PDE1A: variants seen among roughly 807,000 people sequenced by gnomAD.
PDE1A encodes the protein phosphodiesterase 1A.
In PDE1A, 35 loss-of-function variants were observed where a neutral mutation model predicts 61.7. The observed-to-expected ratio is 0.57, with a 90% CI of 0.43 to 0.75. The LOEUF (loss-of-function observed/expected upper bound fraction) is 0.75. Among genes scored for constraint, PDE1A ranks in the 30% least tolerant of loss-of-function variants. The pLI is 0.00. For synonymous variants in PDE1A, 232 were observed against 213.2 expected (o/e 1.09, Z -0.77); for missense variants, 597 against 630.6 (o/e 0.95, Z 0.57).
chr2:182,676,653 T>C, the PDE1A span, among the ~76,000 whole-genome samples: 2 of 152,002 alleles, frequency 1.3e-5, no homozygotes, highest in East Asian at 1.9e-4. Context: ...AACATTGATA[T>C]AAAAATCATC....
intron 1 of PDE1A, among the ~76,000 whole-genome samples, chr2:182,375,684 C>A (rs562817500): frequency 6.6e-6 from 1 of 152,326 alleles, no homozygotes; most frequent in South Asian, 2.1e-4. Flanking sequence ...TATGTGGTAC[C>A]CCAGTAGGGA....
intron 1 of PDE1A, among the ~76,000 whole-genome samples, chr2:182,282,540 T>C (rs576356221): frequency 1.4e-4 from 22 of 152,142 alleles, no homozygotes; most frequent in Non-Finnish European, 3.1e-4. Context: ...CTCTCAGCTC[T>C]ATTGCATGCA....
chr2:182,714,497 G>T, the PDE1A span, among the ~76,000 whole-genome samples: 16 of 152,182 alleles, frequency 1.1e-4, no homozygotes, highest in East Asian at 3.1e-3. Flanking sequence ...GTAGTATTCA[G>T]CCATAAGAAG....
chr2:182,384,900 A>G (rs557921449), intron 1 of PDE1A, among the ~76,000 whole-genome samples: 1 of 152,276 alleles, frequency 6.6e-6, no homozygotes, highest in South Asian at 2.1e-4. Context: ...CTCAAAGACA[A>G]GGAGAAGACT....
At chr2:182,247,271 AT>A (rs1691044230) in intron 2 of PDE1A, among the ~76,000 whole-genome samples, 1 of 152,210 alleles carries the variant, frequency 6.6e-6, no homozygotes, top group African/African-American at 2.4e-5. Flanking sequence ...AAAAGTATGC[AT>A]TGTTTATATG....
intron 7 of PDE1A, among the ~76,000 whole-genome samples, chr2:182,211,136 C>T (rs564162357): frequency 2.0e-5 from 3 of 152,166 alleles, no homozygotes; most frequent in African/African-American, 2.4e-5. Flanking sequence ...AACCCTGTCA[C>T]ATTGGGAGTT....
At chr2:182,297,141 A>G (rs1694939376) in intron 1 of PDE1A, among the ~76,000 whole-genome samples, 2 of 152,346 alleles carry the variant, frequency 1.3e-5, no homozygotes, top group South Asian at 4.1e-4. Context: ...GAGAACACTG[A>G]CTAATATGAT....
the PDE1A span, among the ~76,000 whole-genome samples, chr2:182,600,649 G>GA: frequency 6.6e-6 from 1 of 152,128 alleles, no homozygotes. Context: ...AGGATGAAAA[G>GA]AAAAAAGTTC....
chr2:182,539,292 C>T, the PDE1A span, among the ~76,000 whole-genome samples: 1 of 152,180 alleles, frequency 6.6e-6, no homozygotes, highest in African/African-American at 2.4e-5. Flanking sequence ...ACAAAAGAGG[C>T]TCTCGAGCCA....
At chr2:182,367,160 G>A (rs557493805) in intron 1 of PDE1A, among the ~76,000 whole-genome samples, 1 of 151,920 alleles carries the variant, frequency 6.6e-6, no homozygotes, top group East Asian at 1.9e-4. Context: ...TGCTTTTGTT[G>A]ATTCCTTGAT....
At chr2:182,311,211 ATTTAGATAGAAACTCTCTAACCAAG>A (rs1695947049) in intron 1 of PDE1A, among the ~76,000 whole-genome samples, 1 of 152,206 alleles carries the variant, frequency 6.6e-6, no homozygotes, top group African/African-American at 2.4e-5. Flanking sequence ...CTTTTCATCT[ATTTAGATAGAAACTCTCTAACCAAG>A]TGAACCTACT....
chr2:182,484,242 CTT>C (rs911683149), intron 2 of PDE1A, among the ~76,000 whole-genome samples: 2 of 151,928 alleles, frequency 1.3e-5, no homozygotes, highest in African/African-American at 4.8e-5. Context: ...CTTCCCAACT[CTT>C]TGCATAAATT....
chr2:182,561,928 G>A, the PDE1A span, among the ~76,000 whole-genome samples: 1 of 152,090 alleles, frequency 6.6e-6, no homozygotes, highest in East Asian at 1.9e-4. Context: ...CTTTGCTGAA[G>A]TTGCTTATCA....
At position 182,400,334 on chromosome 2, in the gene PDE1A, C is replaced by T. The variant is rs1374221137; in HGVS notation, c.53+26244G>A. ...ACCTTTCTGACATGGTGGCAAGACA[C>T]TTTCACATATTAGAATACACTTCTG... On this transcript the variant is annotated intron_variant, in intron 1 of 13. Coordinates refer to ENST00000351439, the Ensembl canonical transcript of PDE1A. 2.6e-5 allele frequency among the ~76,000 whole-genome samples: 4 copies of T among 152,182 alleles called. No homozygotes were observed. The East Asian group carries it at 7.7e-4, about 29-fold the overall frequency.
intron 13 of PDE1A, among the ~76,000 whole-genome samples, chr2:182,180,153 G>T (rs1406529351): frequency 6.6e-6 from 1 of 152,020 alleles, no homozygotes; most frequent in Non-Finnish European, 1.5e-5. Flanking sequence ...CTTTAAAATT[G>T]ATCACTATGT....
the PDE1A span, among the ~76,000 whole-genome samples, chr2:182,639,392 A>C: frequency 6.6e-6 from 1 of 152,124 alleles, no homozygotes; most frequent in Non-Finnish European, 1.5e-5. Flanking sequence ...ATGTGGCGAA[A>C]ACCCGTCTCT....
At chr2:182,176,359 C>A (rs1285976969) in intron 13 of PDE1A, among the ~76,000 whole-genome samples, 2 of 149,232 alleles carry the variant, frequency 1.3e-5, no homozygotes, top group Admixed American at 6.6e-5. Flanking sequence ...CTTTTATTTC[C>A]TTGAGCAGTG....
At chr2:182,423,945 AC>A (rs1368704410) in intron 1 of PDE1A, among the ~76,000 whole-genome samples, 1 of 145,366 alleles carries the variant, frequency 6.9e-6, no homozygotes, top group Non-Finnish European at 1.5e-5. Context: ...TCCTGGATTA[AC>A]CTTTTTTTTT....
the PDE1A span, among the ~76,000 whole-genome samples, chr2:182,565,536 G>A: frequency 0.019 from 2,856 of 152,206 alleles, 100 homozygotes; most frequent in African/African-American, 0.065. Flanking sequence ...CAGTCTGCCC[G>A]TTCTTGACTG....
Sources: gnomAD v4.1 joint callset for allele counts (sites outside exome capture counted in the v4.1 genomes callset) on GRCh38, gnomAD v4.1.1 for gene constraint, MANE v1.5 for transcripts, NCBI Gene and HGNC (gene_info 2026-07-23, HGNC 2026-07-21) for gene names.